FAM114A2: variants seen among roughly 807,000 people sequenced by gnomAD.
FAM114A2 encodes the protein family with sequence similarity 114 member A2.
FAM114A2 carries 53 observed loss-of-function variants against 58.4 expected under a neutral mutation model. The observed-to-expected ratio is 0.91, with a 90% CI of 0.73 to 1.14. The LOEUF is 1.14. FAM114A2 is among the 50% of genes most tolerant of loss of function. The pLI is 0.00. For missense variants in FAM114A2, 601 were observed against 581.1 expected, an observed-to-expected ratio of 1.03 and a Z score of -0.35; for synonymous variants, 228 against 211.4, an observed-to-expected ratio of 1.08 and a Z score of -0.68.
chr5:154,011,801 AAG>A (rs561231549), intron 8 of FAM114A2, among the ~76,000 whole-genome samples: 53 of 152,350 alleles, frequency 3.5e-4, no homozygotes, highest in African/African-American at 1.2e-3. Context: ...GGAGAATAGG[AAG>A]AGTTTCAGGC....
intron 4 of FAM114A2, among the ~76,000 whole-genome samples, chr5:154,030,616 G>T (rs144996715): frequency 2.3e-3 from 356 of 152,352 alleles, no homozygotes; most frequent in African/African-American, 8.2e-3. Context: ...CAATCAGTTT[G>T]AGTGGAAGAA....
chr5:154,003,053 C>CTAGAAGTAAGG (rs1242644928), intron 9 of FAM114A2, 84 bp from the exon 10 acceptor site: 2 of 1,272,058 alleles, frequency 1.6e-6, no homozygotes, highest in Non-Finnish European at 2.3e-6. Context: ...CAATAGCATC[C>CTAGAAGTAAGG]TAGAAGTAAG....
intron 5 of FAM114A2, 140 bp downstream of exon 5, chr5:154,029,349 C>A: frequency 7.2e-6 from 4 of 554,224 alleles, no homozygotes; most frequent in Admixed American, 3.5e-5. Flanking sequence ...CCCATAAGAC[C>A]AAAGTGACCG....
At chr5:154,032,753 G>A (rs186178466) in intron 4 of FAM114A2, among the ~76,000 whole-genome samples, 2 of 152,140 alleles carry the variant, frequency 1.3e-5, no homozygotes, top group Admixed American at 6.5e-5. Context: ...CAGTATTATC[G>A]GACAACCATA....
At chr5:154,028,707 C>T (rs1771971201) in intron 5 of FAM114A2, among the ~76,000 whole-genome samples, 1 of 152,190 alleles carries the variant, frequency 6.6e-6, no homozygotes. Flanking sequence ...ACCACACAAA[C>T]TGCAGCATAG....
chr5:154,008,820 T>G (rs1770513401), intron 9 of FAM114A2, among the ~76,000 whole-genome samples: 1 of 152,152 alleles, frequency 6.6e-6, no homozygotes, highest in Admixed American at 6.5e-5. Context: ...TAAAACCATT[T>G]CAGATACATC....
At chr5:154,038,138 T>C (rs992372220) in intron 1 of FAM114A2, among the ~76,000 whole-genome samples, 1 of 152,184 alleles carries the variant, frequency 6.6e-6, no homozygotes, top group African/African-American at 2.4e-5. Context: ...GAAATAATTG[T>C]AGTTTCTCCT....
intron 12 of FAM114A2, among the ~76,000 whole-genome samples, chr5:153,996,992 A>T (rs1581759549): frequency 6.1e-5 from 1 of 16,348 alleles, no homozygotes; most frequent in African/African-American, 2.9e-4. Flanking sequence ...AGCAAAACTT[A>T]AAAAAAAAAA....
intron 9 of FAM114A2, among the ~76,000 whole-genome samples, chr5:154,005,062 T>C (rs1217389880): frequency 6.6e-6 from 1 of 152,218 alleles, no homozygotes; most frequent in African/African-American, 2.4e-5. Context: ...GTAACTTAAA[T>C]TCAGAACTTA....
At chr5:154,025,904 T>A (rs941955788) in intron 8 of FAM114A2, among the ~76,000 whole-genome samples, 3 of 152,186 alleles carry the variant, frequency 2.0e-5, no homozygotes, top group Non-Finnish European at 4.4e-5. Context: ...AATGAAGATA[T>A]TAAAATATGG....
At chr5:154,004,959 C>T (rs1011085874) in intron 9 of FAM114A2, among the ~76,000 whole-genome samples, 2 of 152,142 alleles carry the variant, frequency 1.3e-5, no homozygotes, top group Non-Finnish European at 1.5e-5. Flanking sequence ...TTTCCAGCCT[C>T]ATCTCTTATC....
At chr5:154,004,799 G>C (rs1770245388) in intron 9 of FAM114A2, among the ~76,000 whole-genome samples, 1 of 152,034 alleles carries the variant, frequency 6.6e-6, no homozygotes, top group South Asian at 2.1e-4. Context: ...CTTCTGATCT[G>C]TTTATCTTAA....
chr5:154,002,526 C>G, intron 10 of FAM114A2, 136 bp from the exon 11 acceptor site: 1 of 894,514 alleles, frequency 1.1e-6, no homozygotes, highest in Non-Finnish European at 1.7e-6. Flanking sequence ...TCTTCTTCCA[C>G]AGTAGTGATA....
At position 154,002,355 on chromosome 5, in the gene FAM114A2, TTCAGCCAGGCTCCGGA is replaced by T. The variant is rs760462959; in HGVS notation, c.1136_1151del (p.Ile379AsnfsTer2). 6.3e-5 allele frequency: 102 copies of T among 1,613,952 alleles called. 1 individual carries two copies. In the African/African-American group the frequency reaches 1.1e-3, roughly 18 times the overall value. On this transcript the variant is annotated frameshift_variant, in exon 11 of 14. Transcript: ENST00000351797. LOFTEE classifies it high-confidence loss of function. ...ATAGTTCAATTGAGCAGGCAGTCAG[TTCAGCCAGGCTCCGGA>T]TTGCAAACGCATGGATATCCTGGAT...
intron 8 of FAM114A2, among the ~76,000 whole-genome samples, chr5:154,018,435 A>T (rs1367938922): frequency 6.6e-6 from 1 of 152,144 alleles, no homozygotes; most frequent in Non-Finnish European, 1.5e-5. Context: ...TACCAACAAA[A>T]AAAAGTCCAG....
Position 153,992,893 on chromosome 5 carries a change from A to T in FAM114A2, c.*83T>A. The T allele has an allele frequency of 8.0e-7, 1 of 1,256,154 alleles. No homozygotes were observed. The highest frequency in any genetic ancestry group is 1.1e-6 in the Non-Finnish European group (1 of 901,380). 77.8% of individuals were successfully genotyped at this position (1,256,154 alleles called of 1,614,324 possible). Reference sequence around the variant, plus strand: ...AATTTTTATATACTAAAATAACCCCACTCCTTCATTTCTGCAGGAGTAGCC... The same window carrying T: ...AATTTTTATATACTAAAATAACCCCTCTCCTTCATTTCTGCAGGAGTAGCC... On this transcript the variant is annotated 3_prime_UTR_variant, in exon 14 of 14. Transcript: ENST00000351797.
chr5:153,993,923 A>G (rs916000007), intron 13 of FAM114A2, among the ~76,000 whole-genome samples: 3 of 152,320 alleles, frequency 2.0e-5, no homozygotes, highest in Non-Finnish European at 2.9e-5. Flanking sequence ...GGGACCTCAG[A>G]TATCGTCTAG....
In FAM114A2 at chr5:154,034,277, CCTACTGTAG is replaced by C; in HGVS notation, c.302_310del (p.Ala101_Val103del). 1 of 1,538,826 alleles carries C rather than the reference CCTACTGTAG, an allele frequency of 6.5e-7. No individual in the cohort carries two copies. The highest frequency in any genetic ancestry group is 8.8e-7 in the Non-Finnish European group (1 of 1,132,542). ...AATAACTAAATGACTGATGATCTTA[CCTACTGTAG>C]CTACTGTAGCCGAGGCTGAGGAGAG... On this transcript the variant is annotated inframe_deletion and splice_region_variant, in exon 3 of 14. Coordinates refer to ENST00000351797, the MANE Select transcript of FAM114A2 (RefSeq NM_018691.4).
intron 4 of FAM114A2, among the ~76,000 whole-genome samples, chr5:154,030,916 G>A (rs1417084735): frequency 6.6e-6 from 1 of 152,098 alleles, no homozygotes; most frequent in African/African-American, 2.4e-5. Flanking sequence ...TAAACACCTG[G>A]GAATTAAGGT....
Sources: allele counts gnomAD v4.1 joint callset (sites outside exome capture counted in the v4.1 genomes callset), GRCh38; gene constraint gnomAD v4.1.1; transcripts MANE v1.5; gene names NCBI Gene and HGNC (gene_info 2026-07-23, HGNC 2026-07-21).